CNTNAP4: variants seen among roughly 807,000 people sequenced by gnomAD.
CNTNAP4 encodes contactin-associated protein-like 4.
A neutral mutation model predicts 148.4 loss-of-function variants in CNTNAP4; 98 were observed. The ratio of observed to expected loss-of-function variants is 0.66; its 90% confidence interval spans 0.56 to 0.78. CNTNAP4 has a LOEUF of 0.78. Ranked by LOEUF, CNTNAP4 falls within the 30% of genes least tolerant of loss-of-function variation. The probability of loss-of-function intolerance (pLI) is 0.00; values close to 1 mark genes in which losing one functional copy is unlikely to be tolerated. For synonymous variants in CNTNAP4, 730 were observed against 565.1 expected (o/e 1.29, Z -4.14); for missense variants, 1,935 against 1,565.6 (o/e 1.24, Z -3.98).
chr16:76,318,675 AATTTCTCATAAT>A (rs2144115712), intron 2 of CNTNAP4, among the ~76,000 whole-genome samples: 2 of 150,038 alleles, frequency 1.3e-5, no homozygotes, highest in South Asian at 4.2e-4. Flanking sequence ...AAATACTAGA[AATTTCTCATAAT>A]ATTTCTCATA....
intron 12 of CNTNAP4, among the ~76,000 whole-genome samples, chr16:76,487,631 T>C (rs12926636): frequency 0.11 from 16,133 of 152,204 alleles, 997 homozygotes; most frequent in South Asian, 0.2. Flanking sequence ...TCAAAATCTA[T>C]TGTGACAATT....
chr16:76,408,364 AGTT>A (rs1202945955), intron 3 of CNTNAP4, among the ~76,000 whole-genome samples: 6 of 141,800 alleles, frequency 4.2e-5, no homozygotes, highest in Non-Finnish European at 8.9e-5. Flanking sequence ...AACAATTAAC[AGTT>A]GTTAATCTAT....
In CNTNAP4 at chr16:76,377,977, A is replaced by C. The variant is rs144629316; in HGVS notation, c.390+22466A>C. ...TCATTTTTCTAGAAGAATAAATTAA[A>C]GTTTTCAGGAGTTACACACCTCTCA... is the stretch of plus-strand genomic sequence containing the variant. On this transcript the variant is annotated intron_variant, in intron 3 of 23. Transcript: ENST00000611870. Among the ~76,000 whole-genome samples the C allele has an allele frequency of 9.8e-3, 1,497 of 152,294 alleles. 26 individuals carry two copies. Among genetic ancestry groups the C allele is most frequent in the African/African-American group, 0.034 (1,418 of 41,546 alleles).
At chr16:76,382,388 A>G (rs1375057308) in intron 3 of CNTNAP4, among the ~76,000 whole-genome samples, 1 of 152,138 alleles carries the variant, frequency 6.6e-6, no homozygotes, top group African/African-American at 2.4e-5. Flanking sequence ...CCCATTGCCA[A>G]AAAAATCTTA....
chr16:76,320,449 C>T (rs557146183), intron 2 of CNTNAP4, among the ~76,000 whole-genome samples: 2 of 152,220 alleles, frequency 1.3e-5, no homozygotes, highest in Non-Finnish European at 2.9e-5. Flanking sequence ...GGAAATTTTG[C>T]ATGCTCTGAA....
chr16:76,489,647 A>G, intron 12 of CNTNAP4, 39 bp from the exon 13 acceptor site: 1 of 1,190,142 alleles, frequency 8.4e-7, no homozygotes, highest in Non-Finnish European at 1.1e-6. Context: ...CAGACTAGTG[A>G]TGGTCTCCTC....
At chr16:76,452,791 G>A (rs2080562443) in intron 8 of CNTNAP4, 22 bp downstream of exon 8, 3 of 1,516,862 alleles carry the variant, frequency 2.0e-6, no homozygotes, top group African/African-American at 1.4e-5. Context: ...ATTCCCTGGG[G>A]CAAAGCATAT....
intron 2 of CNTNAP4, among the ~76,000 whole-genome samples, chr16:76,350,144 A>T (rs1965248328): frequency 6.6e-6 from 1 of 152,118 alleles, no homozygotes; most frequent in African/African-American, 2.4e-5. Flanking sequence ...ATTTGAACAT[A>T]TTCTTGGGAT....
intron 8 of CNTNAP4, among the ~76,000 whole-genome samples, chr16:76,457,694 T>C (rs960607319): frequency 6.6e-6 from 1 of 152,200 alleles, no homozygotes; most frequent in African/African-American, 2.4e-5. Context: ...AATGTTAAAA[T>C]TGAGATTAAA....
At chr16:76,520,018 G>T (rs917060142) in intron 15 of CNTNAP4, among the ~76,000 whole-genome samples, 13 of 152,174 alleles carry the variant, frequency 8.5e-5, no homozygotes, top group African/African-American at 3.1e-4. Flanking sequence ...TTTTGAAATT[G>T]CTGTTTTCCA....
chr16:76,555,973 T>C (rs544401761), intron 23 of CNTNAP4, among the ~76,000 whole-genome samples: 1 of 152,314 alleles, frequency 6.6e-6, no homozygotes, highest in South Asian at 2.1e-4. Flanking sequence ...TGTATCGTCC[T>C]CCAGTGTGTT....
intron 13 of CNTNAP4, among the ~76,000 whole-genome samples, chr16:76,490,285 C>T (rs146058240): frequency 1.9e-3 from 290 of 152,306 alleles, no homozygotes; most frequent in Middle Eastern, 0.017. Flanking sequence ...GATTATTCTA[C>T]GTGCCTCTTT....
At chr16:76,312,259 A>G (rs995168342) in intron 1 of CNTNAP4, among the ~76,000 whole-genome samples, 5 of 152,186 alleles carry the variant, frequency 3.3e-5, no homozygotes, top group Non-Finnish European at 7.4e-5. Flanking sequence ...ATCCTCTCTT[A>G]GTTGTGATGA....
intron 18 of CNTNAP4, among the ~76,000 whole-genome samples, chr16:76,536,619 G>T (rs566785130): frequency 1.3e-5 from 2 of 152,042 alleles, no homozygotes; most frequent in East Asian, 3.9e-4. Context: ...ATTAAATATC[G>T]ATGCATTACA....
Position 76,309,869 on chromosome 16 carries a change from C to G in CNTNAP4, c.86-6544C>G, listed in dbSNP as rs1960904371. The stretch of plus-strand genomic sequence containing the variant: ...GCTGCTTCCTCATTTTCTCTTGCAG[C>G]CGCCATGATTCTGAGGCCTTCCCAG... On this transcript the variant is annotated intron_variant, in intron 1 of 23. Coordinates refer to ENST00000611870, the MANE Select transcript of CNTNAP4 (RefSeq NM_033401.5). The G allele has an allele frequency of 5.7e-6, 4 of 701,522 alleles. No homozygotes were observed. In the East Asian group the frequency reaches 1.1e-4, roughly 19 times the overall value. The allele number at this position is 701,522 out of a possible 1,614,324, so 43.5% of individuals were successfully genotyped here.
intron 9 of CNTNAP4, among the ~76,000 whole-genome samples, chr16:76,466,127 C>T (rs1189813853): frequency 1.3e-5 from 2 of 152,090 alleles, no homozygotes; most frequent in African/African-American, 4.8e-5. Flanking sequence ...GTCTCCGTTC[C>T]GTGGGTTCAA....
chr16:76,431,695 G>A (rs1280617902), intron 4 of CNTNAP4, among the ~76,000 whole-genome samples: 4 of 152,226 alleles, frequency 2.6e-5, no homozygotes, highest in South Asian at 4.2e-4. Flanking sequence ...AAAGGGGGAG[G>A]TAAGCAGATT....
intron 17 of CNTNAP4, among the ~76,000 whole-genome samples, chr16:76,522,642 TTTCTTTTCTCTCTTTCTC>T (rs1568495763): frequency 1.1e-5 from 1 of 88,758 alleles, no homozygotes; most frequent in Non-Finnish European, 2.4e-5. Context: ...TCCTTCTTTC[TTTCTTTTCTCTCTTTCTC>T]TCTTTCCTTC....
chr16:76,306,884 A>G (rs1960531629), intron 1 of CNTNAP4, among the ~76,000 whole-genome samples: 1 of 152,220 alleles, frequency 6.6e-6, no homozygotes, highest in Non-Finnish European at 1.5e-5. Context: ...TTTCATCTGC[A>G]CTTTATAGGC....
Sources: allele counts gnomAD v4.1 joint callset (sites outside exome capture counted in the v4.1 genomes callset), GRCh38; gene constraint gnomAD v4.1.1; transcripts MANE v1.5; gene names NCBI Gene and HGNC (gene_info 2026-07-23, HGNC 2026-07-21).